Variants in EPHA6 observed in about 807,000 individuals in gnomAD.
The protein encoded by EPHA6 is ephrin type-A receptor 6.
Under a neutral mutation model 112.0 loss-of-function variants are expected in EPHA6, and 50 were observed. The ratio of observed to expected loss-of-function variants is 0.45; its 90% CI spans 0.36 to 0.56. The LOEUF is 0.56. Ranked by LOEUF, EPHA6 falls within the 20% of genes least tolerant of loss-of-function variation. The probability of loss-of-function intolerance (pLI) is 0.00; values close to 1 mark genes in which losing one functional copy is unlikely to be tolerated. For synonymous variants in EPHA6, 529 were observed against 490.7 expected (o/e 1.08, Z -1.03); for missense variants, 1,280 against 1,417.4 (o/e 0.90, Z 1.56).
chr3:97,378,390 G>A (rs902483463), intron 5 of EPHA6, among the ~76,000 whole-genome samples: 4 of 152,310 alleles, frequency 2.6e-5, no homozygotes, highest in Admixed American at 1.3e-4. Flanking sequence ...ACCTCTACTA[G>A]GGCAGTGCGA....
At chr3:96,837,072 C>G (rs939955853) in intron 1 of EPHA6, among the ~76,000 whole-genome samples, 1 of 151,948 alleles carries the variant, frequency 6.6e-6, no homozygotes, top group Non-Finnish European at 1.5e-5. Flanking sequence ...GATAGGGAGG[C>G]CAAGAGGAAT....
intron 2 of EPHA6, among the ~76,000 whole-genome samples, chr3:96,953,408 G>A (rs924613104): frequency 6.6e-5 from 10 of 152,086 alleles, no homozygotes; most frequent in East Asian, 3.9e-4. Context: ...TTTTCCAGCC[G>A]TTTAAAATTG....
At chr3:97,407,493 T>C (rs530991599) in intron 6 of EPHA6, among the ~76,000 whole-genome samples, 3 of 150,194 alleles carry the variant, frequency 2.0e-5, no homozygotes, top group South Asian at 4.4e-4. Flanking sequence ...AGTGTGTTTG[T>C]GTGTGTGTGT....
intron 3 of EPHA6, among the ~76,000 whole-genome samples, chr3:97,137,819 A>T (rs1339614105): frequency 6.6e-6 from 1 of 152,194 alleles, no homozygotes; most frequent in Non-Finnish European, 1.5e-5. Context: ...CGTTGTGCAC[A>T]TGTACCCTAG....
At chr3:97,065,845 A>G (rs1032362211) in intron 3 of EPHA6, among the ~76,000 whole-genome samples, 1 of 152,022 alleles carries the variant, frequency 6.6e-6, no homozygotes, top group Non-Finnish European at 1.5e-5. Flanking sequence ...CTAAAGTTTA[A>G]TTTTTAAAGA....
At chr3:97,566,322 C>G (rs2093266324) in intron 11 of EPHA6, among the ~76,000 whole-genome samples, 1 of 152,278 alleles carries the variant, frequency 6.6e-6, no homozygotes, top group South Asian at 2.1e-4. Flanking sequence ...CAGGCCCCAC[C>G]TCCAACATTG....
At chr3:96,981,025 A>G (rs1420068121) in intron 2 of EPHA6, among the ~76,000 whole-genome samples, 1 of 152,114 alleles carries the variant, frequency 6.6e-6, no homozygotes, top group Non-Finnish European at 1.5e-5. Context: ...CTCTTTTCCT[A>G]ATTGAATACC....
chr3:97,739,383 C>G (rs1369170098), intron 16 of EPHA6, among the ~76,000 whole-genome samples: 1 of 150,346 alleles, frequency 6.7e-6, no homozygotes, highest in Admixed American at 6.7e-5. Flanking sequence ...GCTTTTTTCT[C>G]AAGACTCACC....
intron 3 of EPHA6, among the ~76,000 whole-genome samples, chr3:96,992,396 C>T (rs58248893): frequency 0.022 from 3,386 of 152,218 alleles, 115 homozygotes; most frequent in African/African-American, 0.071. Flanking sequence ...TTTCTACAAT[C>T]TGGAAATCTG....
At chr3:97,008,117 G>A (rs145010126) in intron 3 of EPHA6, among the ~76,000 whole-genome samples, 147 of 152,252 alleles carry the variant, frequency 9.7e-4, no homozygotes, top group African/African-American at 3.4e-3. Flanking sequence ...TCTTAATGGT[G>A]TTCTCTATAC....
intron 10 of EPHA6, among the ~76,000 whole-genome samples, chr3:97,500,763 A>G (rs1020439467): frequency 6.6e-6 from 1 of 152,168 alleles, no homozygotes; most frequent in African/African-American, 2.4e-5. Flanking sequence ...TCAATGGCTC[A>G]TTTAAACAAG....
intron 2 of EPHA6, among the ~76,000 whole-genome samples, chr3:96,940,344 A>G (rs895793200): frequency 5.3e-5 from 8 of 152,218 alleles, no homozygotes; most frequent in Admixed American, 5.2e-4. Flanking sequence ...TCCCTTTACC[A>G]TTATGTAATG....
rs903454394 is a variant in EPHA6, at chr3:97,750,298, G to T, written c.*1597G>T. Among the ~76,000 whole-genome samples, 16 of 146,016 alleles carry T rather than the reference G, an allele frequency of 1.1e-4. No individual in the cohort carries two copies. The highest frequency in any genetic ancestry group is 4.3e-4 in the South Asian group (2 of 4,614). On this transcript the variant is annotated 3_prime_UTR_variant, in exon 18 of 18. Coordinates refer to ENST00000389672, the MANE Select transcript of EPHA6 (RefSeq NM_001080448.3). ...AAATTCATTTTTTGTCATAGTAGTG[G>T]TTTTTTTTTTTTAAATAAAGGACCC...
chr3:97,305,185 C>T (rs566381182), intron 5 of EPHA6, among the ~76,000 whole-genome samples: 1 of 152,052 alleles, frequency 6.6e-6, no homozygotes, highest in African/African-American at 2.4e-5. Flanking sequence ...AATGAGATAC[C>T]ATCTCATGCC....
chr3:97,184,337 C>T (rs991294780), intron 3 of EPHA6, among the ~76,000 whole-genome samples: 1 of 152,010 alleles, frequency 6.6e-6, no homozygotes, highest in Non-Finnish European at 1.5e-5. Context: ...TGCTCCCTAG[C>T]CATATATGAA....
At chr3:97,341,577 T>C (rs1477854595) in intron 5 of EPHA6, among the ~76,000 whole-genome samples, 1 of 151,994 alleles carries the variant, frequency 6.6e-6, no homozygotes, top group Non-Finnish European at 1.5e-5. Context: ...ATGGTATCGA[T>C]CTCCTGACCT....
intron 3 of EPHA6, among the ~76,000 whole-genome samples, chr3:97,044,702 A>G (rs1335339516): frequency 6.6e-6 from 1 of 150,740 alleles, no homozygotes; most frequent in Non-Finnish European, 1.5e-5. Flanking sequence ...TAACCAAACA[A>G]CTATGTTCTA....
chr3:96,923,714 C>G (rs1353014346), intron 2 of EPHA6, among the ~76,000 whole-genome samples: 2 of 152,080 alleles, frequency 1.3e-5, no homozygotes, highest in African/African-American at 4.8e-5. Flanking sequence ...AGCCTGTGTC[C>G]TGAATGGTAT....
Position 96,866,748 on chromosome 3 carries a change from T to G in EPHA6, c.386-77T>G, listed in dbSNP as rs543157358. ...GTGTAATTGACATTAATGATTTTTATTATAACTTTAATAATTTAATATATT... is the reference window on the plus strand; with the variant it reads ...GTGTAATTGACATTAATGATTTTTAGTATAACTTTAATAATTTAATATATT... On this transcript the variant is annotated intron_variant, in intron 1 of 17. Transcript: ENST00000389672. 1.2e-5 allele frequency: 9 copies of G among 777,866 alleles called. No individual in the cohort carries two copies. The South Asian group carries it at 2.1e-4, about 18-fold the overall frequency. 48.2% of individuals were successfully genotyped at this position (777,866 alleles called of 1,614,324 possible). A position where few individuals can be genotyped will look rare whatever the true frequency, so the allele number is the denominator to read the frequency against.
Sources: gnomAD v4.1 joint callset for allele counts (sites outside exome capture counted in the v4.1 genomes callset) on GRCh38, gnomAD v4.1.1 for gene constraint, MANE v1.5 for transcripts, NCBI Gene and HGNC (gene_info 2026-07-23, HGNC 2026-07-21) for gene names.